RUFY1: variants seen among roughly 807,000 people sequenced by gnomAD.
The protein encoded by RUFY1 is RUN and FYVE domain containing 1.
A neutral mutation model predicts 94.6 loss-of-function variants in RUFY1; 54 were observed. That is an observed-to-expected ratio of 0.57 (90% confidence interval 0.46 to 0.72). The LOEUF (loss-of-function observed/expected upper bound fraction) is 0.72. Among genes scored for constraint, RUFY1 ranks in the 30% least tolerant of loss-of-function variants. RUFY1 has a pLI of 0.00. For synonymous variants in RUFY1, 396 were observed against 347.3 expected, an observed-to-expected ratio of 1.14 and a Z score of -1.56; for missense variants, 883 against 883.9, an observed-to-expected ratio of 1.00 and a Z score of 0.01.
chr5:179,554,987 A>G (rs542150747), intron 1 of RUFY1, among the ~76,000 whole-genome samples: 1 of 152,080 alleles, frequency 6.6e-6, no homozygotes, highest in East Asian at 1.9e-4. Context: ...AAGGACAAAT[A>G]CTAAATCCTC....
At chr5:179,596,339 T>C (rs986542773) in intron 12 of RUFY1, 86 of 644,162 alleles carry the variant, frequency 1.3e-4, no homozygotes, top group Non-Finnish European at 2.3e-4. Flanking sequence ...AGCCATATTG[T>C]TGCAGGACAG....
chr5:179,593,799 C>A (rs1765303553), intron 11 of RUFY1, among the ~76,000 whole-genome samples, 154 bp downstream of exon 11: 2 of 152,172 alleles, frequency 1.3e-5, no homozygotes, highest in African/African-American at 4.8e-5. Context: ...ATCCTCATGG[C>A]AGTCCCTGAG....
At chr5:179,579,024 G>C (rs1763877239) in intron 6 of RUFY1, among the ~76,000 whole-genome samples, 1 of 152,180 alleles carries the variant, frequency 6.6e-6, no homozygotes, top group East Asian at 1.9e-4. Flanking sequence ...CTAGAGTGGC[G>C]TATCAACCTT....
In RUFY1 at chr5:179,581,098, A is replaced by T. The variant is rs1165378322; in HGVS notation, c.956+86A>T. On this transcript the variant is annotated intron_variant, in intron 7 of 17. Transcript: ENST00000319449. ...TGGAACTTCGAGTTGCCACGTATTTATAAATAACTTGTTTCCAAACCAAGA... is the reference window on the plus strand; with the variant it reads ...TGGAACTTCGAGTTGCCACGTATTTTTAAATAACTTGTTTCCAAACCAAGA... 6.3e-6 allele frequency: 5 copies of T among 798,420 alleles called. No homozygotes were observed. In the East Asian group the frequency reaches 1.0e-4, roughly 16 times the overall value. The allele number at this position is 798,420 out of a possible 1,614,324, so 49.5% of individuals were successfully genotyped here. A position where few individuals can be genotyped will look rare whatever the true frequency, so the allele number is the denominator to read the frequency against.
At chr5:179,577,588 G>A (rs1763736154) in intron 6 of RUFY1, among the ~76,000 whole-genome samples, 1 of 144,784 alleles carries the variant, frequency 6.9e-6, no homozygotes, top group African/African-American at 2.7e-5. Context: ...TGGGGCTGGA[G>A]GGGAGGGCGG....
chr5:179,577,578 T>A (rs1421071277), intron 6 of RUFY1, among the ~76,000 whole-genome samples: 1 of 76,892 alleles, frequency 1.3e-5, no homozygotes, highest in Non-Finnish European at 2.6e-5. Flanking sequence ...CCGGGCGTGG[T>A]GGGGCTGGAG....
chr5:179,580,245 A>ATTT (rs1284315225), intron 6 of RUFY1, among the ~76,000 whole-genome samples: 3 of 81,684 alleles, frequency 3.7e-5, no homozygotes, highest in Non-Finnish European at 7.4e-5. Flanking sequence ...GTGTGTGTAT[A>ATTT]TTTTTTTTTT....
At chr5:179,556,194 T>A (rs1762108568) in intron 1 of RUFY1, among the ~76,000 whole-genome samples, 1 of 152,210 alleles carries the variant, frequency 6.6e-6, no homozygotes, top group South Asian at 2.1e-4. Flanking sequence ...AATAGCAAGT[T>A]ATTTAATATT....
chr5:179,558,527 G>C (rs1453228906), intron 1 of RUFY1, among the ~76,000 whole-genome samples: 1 of 151,246 alleles, frequency 6.6e-6, no homozygotes, highest in Non-Finnish European at 1.5e-5. Context: ...AGCCGAGATG[G>C]CGCCATTGCA....
intron 3 of RUFY1, among the ~76,000 whole-genome samples, chr5:179,564,787 GC>G (rs1291026875): frequency 6.6e-6 from 1 of 151,932 alleles, no homozygotes; most frequent in African/African-American, 2.4e-5. Flanking sequence ...ATGATCTATT[GC>G]AGTCGTTATT....
chr5:179,600,377 C>T (rs1021897995), intron 14 of RUFY1, among the ~76,000 whole-genome samples: 2 of 152,184 alleles, frequency 1.3e-5, no homozygotes, highest in Non-Finnish European at 2.9e-5. Flanking sequence ...AGTGCCGTTG[C>T]CCCCTGGGGA....
In RUFY1 at chr5:179,569,306, T is replaced by C; in HGVS notation, c.709T>C (p.Phe237Leu). ...TGTCCTGTCCATCTCTTTCAGCGAG[T>C]TCTATGAGCCTGAGGCTTTAATGAT... Reference protein sequence around the residue: ...LIDNKHLLSEFYEPEALMMEE... With the variant: ...LIDNKHLLSELYEPEALMMEE... The change falls in exon 5 of 18, where the codon TTC (phenylalanine) becomes CTC (leucine). Residue 237 changes from phenylalanine (F) to leucine (L), a missense_variant. Physicochemically the swap from Phe to Leu is conservative, Grantham distance 22 (BLOSUM62 0). Transcript: ENST00000319449. The C allele has an allele frequency of 6.2e-7, 1 of 1,613,678 alleles. No homozygotes were observed. The highest frequency in any genetic ancestry group is 8.5e-7 in the Non-Finnish European group (1 of 1,179,948).
At chr5:179,563,508 T>C (rs997030291) in intron 3 of RUFY1, among the ~76,000 whole-genome samples, 2 of 152,194 alleles carry the variant, frequency 1.3e-5, no homozygotes, top group African/African-American at 4.8e-5. Flanking sequence ...GACACAGGTC[T>C]GTTATGCCTT....
intron 15 of RUFY1, 58 bp downstream of exon 15, chr5:179,602,044 C>A: frequency 7.3e-7 from 1 of 1,375,970 alleles, no homozygotes; most frequent in Non-Finnish European, 1.0e-6. Flanking sequence ...CCCACCACAT[C>A]CCTCAGGCCC....
chr5:179,609,466 T>C lies in RUFY1; in HGVS notation c.2074T>C (p.Cys692Arg). 6.2e-7 allele frequency: 1 copy of C among 1,610,994 alleles called. No individual in the cohort carries two copies. Among genetic ancestry groups the C allele is most frequent in the Non-Finnish European group, 8.5e-7 (1 of 1,179,592 alleles). The change falls in exon 18 of 18, where the codon TGC becomes CGC. Residue 692 changes from cysteine (C) to arginine (R), a missense_variant. By Grantham distance (180) the Cys-to-Arg change is radical. Transcript: ENST00000319449. ...LPSYPKPVRV[C>R]DSCHTLLLQR... is the part of the protein sequence containing the mutation. ...CTCCTACCCCAAGCCGGTGCGAGTG[T>C]GCGACAGCTGCCACACCCTGCTCCT...
At chr5:179,589,985 T>C (rs1423121197) in intron 9 of RUFY1, among the ~76,000 whole-genome samples, 1 of 152,208 alleles carries the variant, frequency 6.6e-6, no homozygotes, top group Non-Finnish European at 1.5e-5. Context: ...CTTTGTGTCC[T>C]TCCATGATAC....
At chr5:179,574,519 C>T (rs1763475172) in intron 5 of RUFY1, among the ~76,000 whole-genome samples, 1 of 152,168 alleles carries the variant, frequency 6.6e-6, no homozygotes. Context: ...ACTGGTATGA[C>T]CACTTCACCC....
rs374496321 is a variant in RUFY1, at chr5:179,601,939, C to T, written c.1809C>T (p.Cys603=). Residue 603 remains cysteine, a synonymous_variant, in exon 15 of 18, where the codon TGC becomes TGT. Transcript: ENST00000319449. ...AGAAGGCAGAGCTGCAGAAGATCTGCGAGGAGCAGGAACAAGCCCTCCAGG... is the reference window on the plus strand; with the variant it reads ...AGAAGGCAGAGCTGCAGAAGATCTGTGAGGAGCAGGAACAAGCCCTCCAGG... The part of the protein sequence containing the change: ...QDEKAELQKI[C]EEQEQALQEM... 27 of 1,613,610 alleles carry T rather than the reference C, an allele frequency of 1.7e-5. 1 individual carries two copies. The highest frequency in any genetic ancestry group is 5.5e-5 in the South Asian group (5 of 91,088).
At chr5:179,561,822 AC>A (rs1762484753) in intron 2 of RUFY1, among the ~76,000 whole-genome samples, 1 of 150,008 alleles carries the variant, frequency 6.7e-6, no homozygotes, top group Non-Finnish European at 1.5e-5. Context: ...AGCTGGGACT[AC>A]AGACGCCCAC....
Sources: gnomAD v4.1 joint callset for allele counts (sites outside exome capture counted in the v4.1 genomes callset) on GRCh38, gnomAD v4.1.1 for gene constraint, MANE v1.5 for transcripts, NCBI Gene and HGNC (gene_info 2026-07-23, HGNC 2026-07-21) for gene names.